Variants in RARB observed in about 807,000 individuals in gnomAD.
The protein encoded by RARB is retinoic acid receptor beta.
In RARB, 17 loss-of-function variants were observed where a neutral mutation model predicts 51.9. The ratio of observed to expected loss-of-function variants is 0.33; its 90% confidence interval spans 0.22 to 0.49. The LOEUF (loss-of-function observed/expected upper bound fraction) is 0.49, where lower values mean the gene tolerates loss of function less well. Among genes scored for constraint, RARB ranks in the 20% least tolerant of loss-of-function variants. The pLI, the probability that RARB is intolerant of heterozygous loss-of-function variation, is 0.99. For missense variants in RARB, 369 were observed against 550.8 expected (o/e 0.67, Z 3.30); for synonymous variants, 215 against 195.4 (o/e 1.10, Z -0.84).
chr3:25,485,609 T>G (rs1037963696), intron 2 of RARB, among the ~76,000 whole-genome samples: 1 of 152,150 alleles, frequency 6.6e-6, no homozygotes, highest in African/African-American at 2.4e-5. Flanking sequence ...TTAAATTATA[T>G]TCATTACACG....
intron 3 of RARB, among the ~76,000 whole-genome samples, chr3:25,122,339 A>G (rs1423383305): frequency 6.6e-6 from 1 of 151,954 alleles, no homozygotes; most frequent in African/African-American, 2.4e-5. Context: ...TATTGTTTCA[A>G]GTGCTTACTA....
intron 2 of RARB, among the ~76,000 whole-genome samples, chr3:25,012,023 A>G (rs535813084): frequency 2.0e-5 from 3 of 152,238 alleles, no homozygotes; most frequent in South Asian, 4.1e-4. Context: ...AAATCCCACA[A>G]TGAGGAATAG....
chr3:25,044,044 G>T (rs1044952992), intron 2 of RARB, among the ~76,000 whole-genome samples: 1 of 151,768 alleles, frequency 6.6e-6, no homozygotes, highest in African/African-American at 2.4e-5. Context: ...TTTAATTAGA[G>T]TTTCAGTCCA....
chr3:25,470,053 C>T (rs1198010897), intron 2 of RARB, among the ~76,000 whole-genome samples: 1 of 152,100 alleles, frequency 6.6e-6, no homozygotes, highest in Non-Finnish European at 1.5e-5. Flanking sequence ...TGAAGCACAG[C>T]GTGCCATCAT....
intron 2 of RARB, among the ~76,000 whole-genome samples, chr3:24,899,118 T>G (rs1703542472): frequency 6.6e-6 from 1 of 152,214 alleles, no homozygotes; most frequent in Non-Finnish European, 1.5e-5. Flanking sequence ...ACCAGTGACT[T>G]AATTTTCGAG....
intron 5 of RARB, among the ~76,000 whole-genome samples, chr3:25,189,614 T>C (rs1701050686): frequency 6.6e-6 from 1 of 152,080 alleles, no homozygotes; most frequent in African/African-American, 2.4e-5. Context: ...TGGGCTGGCA[T>C]GGTGGCTCAT....
chr3:25,309,107 T>C (rs554508225), intron 5 of RARB, among the ~76,000 whole-genome samples: 1 of 151,990 alleles, frequency 6.6e-6, no homozygotes, highest in Non-Finnish European at 1.5e-5. Flanking sequence ...TCCCCTGTCA[T>C]TTCTGCGTGG....
chr3:25,437,182 C>A (rs1310451746), intron 1 of RARB, among the ~76,000 whole-genome samples: 1 of 148,004 alleles, frequency 6.8e-6, no homozygotes, highest in African/African-American at 2.5e-5. Flanking sequence ...AATGATCCCT[C>A]GGTCTATAGC....
chr3:24,899,081 A>C (rs1315363697), intron 2 of RARB, among the ~76,000 whole-genome samples: 1 of 152,228 alleles, frequency 6.6e-6, no homozygotes, highest in African/African-American at 2.4e-5. Flanking sequence ...GTAAATTCTC[A>C]GGCCCTGCCC....
At chr3:24,984,447 T>C (rs1215064456) in intron 2 of RARB, among the ~76,000 whole-genome samples, 1 of 152,230 alleles carries the variant, frequency 6.6e-6, no homozygotes, top group East Asian at 1.9e-4. Context: ...GGGTGAGGTT[T>C]CTTAAATTCA....
intron 2 of RARB, among the ~76,000 whole-genome samples, chr3:25,463,619 C>T (rs937697087): frequency 2.0e-5 from 3 of 151,184 alleles, no homozygotes; most frequent in Non-Finnish European, 2.9e-5. Flanking sequence ...GCCGAGATCG[C>T]GCCACTGGAC....
intron 5 of RARB, among the ~76,000 whole-genome samples, chr3:25,588,144 G>A (rs1245225968): frequency 1.3e-5 from 2 of 152,294 alleles, no homozygotes; most frequent in East Asian, 3.9e-4. Context: ...AAAACAGGGT[G>A]GTGGTTTGCA....
chr3:25,064,767 C>A (rs933721194), intron 3 of RARB, among the ~76,000 whole-genome samples: 1 of 152,136 alleles, frequency 6.6e-6, no homozygotes, highest in Non-Finnish European at 1.5e-5. Flanking sequence ...ACTCAGAGCC[C>A]CACAATTTGA....
chr3:25,140,423 G>A (rs1700090977), intron 4 of RARB, among the ~76,000 whole-genome samples: 1 of 152,162 alleles, frequency 6.6e-6, no homozygotes, highest in Non-Finnish European at 1.5e-5. Context: ...AACTGAAGAT[G>A]TGGTGAAAAT....
intron 1 of RARB, among the ~76,000 whole-genome samples, chr3:25,443,411 C>A (rs1340361962): frequency 1.4e-4 from 19 of 133,852 alleles, no homozygotes; most frequent in African/African-American, 5.2e-4. Flanking sequence ...CCTTGTCCCC[C>A]CCACCACCCC....
At chr3:25,200,569 G>A (rs1701363966) in intron 5 of RARB, among the ~76,000 whole-genome samples, 2 of 151,964 alleles carry the variant, frequency 1.3e-5, no homozygotes, top group Admixed American at 1.3e-4. Context: ...GGTTTTTATG[G>A]TTTAGGTCTA....
At position 25,338,338 on chromosome 3, in the gene RARB, T is replaced by C. The variant is rs992364622; in HGVS notation, c.179-122855T>C. Reference sequence around the variant, plus strand: ...TCTGCTCTGAAAGTCCTCTGGCTATTGTCACACCATTTGTTTTTCATGATT... The same window carrying C: ...TCTGCTCTGAAAGTCCTCTGGCTATCGTCACACCATTTGTTTTTCATGATT... On this transcript the variant is annotated intron_variant, in intron 5 of 11. Transcript: ENST00000383772. Among the ~76,000 whole-genome samples the C allele has an allele frequency of 5.3e-5, 8 of 152,290 alleles. No individual in the cohort carries two copies. The South Asian group carries it at 6.2e-4, about 12-fold the overall frequency.
chr3:25,466,292 A>G (rs957958902), intron 2 of RARB, among the ~76,000 whole-genome samples: 2 of 152,104 alleles, frequency 1.3e-5, no homozygotes, highest in African/African-American at 2.4e-5. Context: ...GGTTCAAGCA[A>G]TTCTCCTGCC....
chr3:24,891,597 G>C (rs925639659), intron 2 of RARB, among the ~76,000 whole-genome samples: 27 of 152,214 alleles, frequency 1.8e-4, no homozygotes, highest in African/African-American at 6.5e-4. Flanking sequence ...ATATTCATCT[G>C]CCTTTTCATC....
Sources: allele counts gnomAD v4.1 joint callset (sites outside exome capture counted in the v4.1 genomes callset), GRCh38; gene constraint gnomAD v4.1.1; transcripts MANE v1.5; gene names NCBI Gene and HGNC (gene_info 2026-07-23, HGNC 2026-07-21).